Variants in SP100 observed in about 807,000 individuals in gnomAD.
SP100 encodes SP100 nuclear body protein.
In SP100, 84 loss-of-function variants were observed where a neutral mutation model predicts 130.0. The ratio of observed to expected loss-of-function variants is 0.65; its 90% CI spans 0.54 to 0.77. SP100 has a LOEUF of 0.77. Ranked by LOEUF, SP100 falls within the 30% of genes least tolerant of loss-of-function variation. The probability of loss-of-function intolerance (pLI) is 0.00; values close to 1 mark genes in which losing one functional copy is unlikely to be tolerated. For missense variants in SP100, 978 were observed against 1,052.2 expected, an observed-to-expected ratio of 0.93 and a Z score of 0.97; for synonymous variants, 331 against 351.7, an observed-to-expected ratio of 0.94 and a Z score of 0.66.
At chr2:230,474,266 GAAGA>G (rs1355282977) in intron 16 of SP100, 124 bp from the exon 17 acceptor site, 43 of 613,688 alleles carry the variant, frequency 7.0e-5, no homozygotes, top group Admixed American at 6.6e-4. Context: ...CCTTTGGAAG[GAAGA>G]CAGATAAATT....
intron 23 of SP100, chr2:230,508,246 C>A: frequency 3.8e-6 from 2 of 519,594 alleles, no homozygotes; most frequent in Non-Finnish European, 3.1e-6. Context: ...GAACAATCCT[C>A]AGAAATAGAT....
intron 24 of SP100, among the ~76,000 whole-genome samples, chr2:230,531,332 C>T (rs1691690550): frequency 6.6e-6 from 1 of 151,896 alleles, no homozygotes; most frequent in Non-Finnish European, 1.5e-5. Flanking sequence ...GAAAACCAAA[C>T]ACCGCATGTT....
intron 20 of SP100, among the ~76,000 whole-genome samples, 174 bp from the exon 21 acceptor site, chr2:230,504,012 T>C (rs937207024): frequency 5.3e-5 from 8 of 152,154 alleles, no homozygotes; most frequent in Admixed American, 2.6e-4. Flanking sequence ...AGGACAACAG[T>C]ATCTACAGCT....
intron 24 of SP100, among the ~76,000 whole-genome samples, chr2:230,533,323 C>T (rs1354213189): frequency 1.3e-5 from 2 of 152,092 alleles, no homozygotes; most frequent in South Asian, 4.1e-4. Flanking sequence ...AGTTCTGTCA[C>T]CAGAATGCTA....
In SP100 at chr2:230,450,169, C is replaced by T. The variant is rs1487112522; in HGVS notation, c.737-3C>T. Reference sequence around the variant, plus strand: ...TCTCAGCTGTGATCTCGTTTATCTCCAGAGTCCTGCGAACAAATTGCTGTC... The same window carrying T: ...TCTCAGCTGTGATCTCGTTTATCTCTAGAGTCCTGCGAACAAATTGCTGTC... On this transcript the variant is annotated splice_region_variant and splice_polypyrimidine_tract_variant and intron_variant, in intron 7 of 28. Coordinates refer to ENST00000340126, the MANE Select transcript of SP100 (RefSeq NM_001080391.2). The T allele has an allele frequency of 6.2e-7, 1 of 1,610,852 alleles. No homozygotes were observed. Among genetic ancestry groups the T allele is most frequent in the East Asian group, 2.2e-5 (1 of 44,866 alleles).
intron 9 of SP100, among the ~76,000 whole-genome samples, chr2:230,461,718 G>A (rs1240086023): frequency 6.6e-6 from 1 of 152,104 alleles, no homozygotes; most frequent in Non-Finnish European, 1.5e-5. Flanking sequence ...TGAGGCTAAG[G>A]CAGGGGGATC....
At chr2:230,526,943 G>A (rs923768854) in intron 24 of SP100, among the ~76,000 whole-genome samples, 19 of 152,124 alleles carry the variant, frequency 1.2e-4, no homozygotes, top group South Asian at 6.2e-4. Context: ...CCAAACCTAC[G>A]TTTGATTAGT....
intron 14 of SP100, chr2:230,469,533 A>G (rs200837305): frequency 7.8e-5 from 36 of 459,882 alleles, no homozygotes; most frequent in Non-Finnish European, 1.3e-5. Context: ...AAGATTGAAC[A>G]TTATGTATGT....
chr2:230,448,280 C>G (rs1000940775), intron 5 of SP100, among the ~76,000 whole-genome samples: 8 of 151,980 alleles, frequency 5.3e-5, no homozygotes, highest in Non-Finnish European at 8.8e-5. Context: ...GAAATGAAAC[C>G]GTGAAAAGGG....
At chr2:230,539,428 A>G (rs1247921868) in intron 25 of SP100, 46 bp downstream of exon 25, 11 of 1,345,536 alleles carry the variant, frequency 8.2e-6, no homozygotes, top group Non-Finnish European at 1.2e-5. Context: ...TTCTTGTGGT[A>G]CAGCTCCTCC....
intron 11 of SP100, among the ~76,000 whole-genome samples, chr2:230,465,067 C>G (rs1021462352): frequency 3.3e-5 from 5 of 152,290 alleles, no homozygotes; most frequent in Non-Finnish European, 4.4e-5. Context: ...GAAACCCTGT[C>G]TCTACTAAAA....
chr2:230,508,286 T>C, intron 23 of SP100: 1 of 449,284 alleles, frequency 2.2e-6, no homozygotes, highest in East Asian at 3.9e-5. Flanking sequence ...GTATGTGTTT[T>C]TTAGTAAAGG....
In SP100 at chr2:230,473,312, A is replaced by T; in HGVS notation, c.1430-12A>T. The T allele has an allele frequency of 6.3e-7, 1 of 1,593,972 alleles. No homozygotes were observed. The highest frequency in any genetic ancestry group is 8.6e-7 in the Non-Finnish European group (1 of 1,162,166). On this transcript the variant is annotated splice_polypyrimidine_tract_variant and intron_variant, in intron 15 of 28. Transcript: ENST00000340126. The stretch of plus-strand genomic sequence containing the variant: ...TGGGCACAAATAAAAATGTTTACAA[A>T]TCACAATTTAGGATCACAGCCACAA...
At chr2:230,425,098 A>G (rs915783829) in intron 2 of SP100, among the ~76,000 whole-genome samples, 2 of 152,230 alleles carry the variant, frequency 1.3e-5, no homozygotes, top group South Asian at 2.1e-4. Flanking sequence ...GATTACCACA[A>G]TGAAGTTAGT....
At chr2:230,475,039 G>C (rs961802720) in intron 17 of SP100, among the ~76,000 whole-genome samples, 1 of 151,778 alleles carries the variant, frequency 6.6e-6, no homozygotes, top group Admixed American at 6.6e-5. Flanking sequence ...TTTTCCTTTG[G>C]GTATATACCT....
rs1041595389 is a variant in SP100 at position 230,472,976 on chromosome 2, G to A, written c.1430-348G>A. 3.0e-5 allele frequency: 5 copies of A among 164,354 alleles called. No individual in the cohort carries two copies. In the Admixed American group the frequency reaches 3.1e-4, roughly 10 times the overall value. 10.2% of individuals were successfully genotyped at this position (164,354 alleles called of 1,614,324 possible). Reference sequence around the variant, plus strand: ...TCAGAAGGCTCCTGTTGGAGATTCTGAAGGCCTTAGACTTCACCACTTGGA... The same window carrying A: ...TCAGAAGGCTCCTGTTGGAGATTCTAAAGGCCTTAGACTTCACCACTTGGA... On this transcript the variant is annotated intron_variant, in intron 15 of 28. Coordinates refer to ENST00000340126, the MANE Select transcript of SP100 (RefSeq NM_001080391.2).
In SP100 at chr2:230,435,866, A is replaced by G. The variant is rs535622408; in HGVS notation, c.108-7071A>G. Reference sequence around the variant, plus strand: ...ATGGAATCAACCTAAATCGCCATCAATTATAGACTAGAGAAAGAAAATGTG... The same window carrying G: ...ATGGAATCAACCTAAATCGCCATCAGTTATAGACTAGAGAAAGAAAATGTG... On this transcript the variant is annotated intron_variant, in intron 2 of 28. Coordinates refer to ENST00000340126, the MANE Select transcript of SP100 (RefSeq NM_001080391.2). 1.2e-4 allele frequency among the ~76,000 whole-genome samples: 18 copies of G among 152,346 alleles called. 1 individual carries two copies. The South Asian group carries it at 3.7e-3, about 32-fold the overall frequency.
chr2:230,485,917 A>G (rs2066060601), intron 17 of SP100, among the ~76,000 whole-genome samples: 1 of 152,096 alleles, frequency 6.6e-6, no homozygotes, highest in African/African-American at 2.4e-5. Flanking sequence ...TCTTCTATTC[A>G]TTTTATGTGC....
intron 2 of SP100, among the ~76,000 whole-genome samples, chr2:230,428,446 C>CTT (rs556816962): frequency 2.1e-5 from 3 of 145,114 alleles, no homozygotes; most frequent in Non-Finnish European, 3.0e-5. Context: ...GTGCTACACA[C>CTT]TTTTTTTTTT....
Sources: allele counts gnomAD v4.1 joint callset (sites outside exome capture counted in the v4.1 genomes callset), GRCh38; gene constraint gnomAD v4.1.1; transcripts MANE v1.5; gene names NCBI Gene and HGNC (gene_info 2026-07-23, HGNC 2026-07-21).